Variants in NCKAP5 observed in about 807,000 individuals in gnomAD.
The protein encoded by NCKAP5 is NCK associated protein 5, also known as nck-associated protein 5.
NCKAP5 carries 92 observed loss-of-function variants against 167.0 expected under a neutral mutation model. That is an observed-to-expected ratio of 0.55 (90% CI 0.47 to 0.66). NCKAP5 has a LOEUF of 0.66. NCKAP5 is among the 30% of genes least tolerant of loss of function. NCKAP5 has a pLI of 0.00. For synonymous variants in NCKAP5, 891 were observed against 877.4 expected, an observed-to-expected ratio of 1.02 and a Z score of -0.27; for missense variants, 2,378 against 2,315.0, an observed-to-expected ratio of 1.03 and a Z score of -0.56.
At chr2:133,599,314 C>T in the NCKAP5 span, among the ~76,000 whole-genome samples, 37 of 152,236 alleles carry the variant, frequency 2.4e-4, no homozygotes, top group Admixed American at 6.5e-4. Context: ...CCTTGCAGGA[C>T]CCAGAGGGGA....
At chr2:133,573,741 C>T in the NCKAP5 span, among the ~76,000 whole-genome samples, 1 of 152,152 alleles carries the variant, frequency 6.6e-6, no homozygotes, top group African/African-American at 2.4e-5. Flanking sequence ...CTTTGCTTGC[C>T]CCAAATAAAA....
chr2:132,720,856 C>T (rs1017963288), intron 19 of NCKAP5, among the ~76,000 whole-genome samples: 1 of 151,706 alleles, frequency 6.6e-6, no homozygotes, highest in Non-Finnish European at 1.5e-5. Context: ...CAAAAAAATA[C>T]AAAAATTAGC....
At chr2:133,519,541 T>G (rs1684303831) in intron 2 of NCKAP5, among the ~76,000 whole-genome samples, 1 of 152,166 alleles carries the variant, frequency 6.6e-6, no homozygotes, top group South Asian at 2.1e-4. Context: ...TCTGCAGTGA[T>G]GAACCAGCTA....
chr2:133,131,967 C>A (rs1458575724), intron 5 of NCKAP5, among the ~76,000 whole-genome samples: 3 of 148,180 alleles, frequency 2.0e-5, no homozygotes, highest in African/African-American at 2.5e-5. Context: ...AGAAACAGGC[C>A]AAAAAAAAAA....
chr2:132,930,340 AT>A (rs1180782097), intron 8 of NCKAP5: 3 of 152,128 alleles, frequency 2.0e-5, no homozygotes, highest in African/African-American at 7.3e-5. Context: ...GTGGTAAAAC[AT>A]TATTTGGGAG....
chr2:133,014,871 G>T (rs182351071), intron 6 of NCKAP5, among the ~76,000 whole-genome samples: 237 of 152,278 alleles, frequency 1.6e-3, no homozygotes, highest in South Asian at 5.0e-3. Flanking sequence ...CAAGATCTAA[G>T]ATTCTAAATG....
At chr2:133,067,860 T>C (rs1375669028) in intron 6 of NCKAP5, among the ~76,000 whole-genome samples, 4 of 152,090 alleles carry the variant, frequency 2.6e-5, no homozygotes, top group Non-Finnish European at 2.9e-5. Flanking sequence ...GCTCTTGAAA[T>C]TAACAATAGA....
At chr2:132,720,610 T>C (rs1356220354) in intron 19 of NCKAP5, among the ~76,000 whole-genome samples, 1 of 151,450 alleles carries the variant, frequency 6.6e-6, no homozygotes, top group African/African-American at 2.4e-5. Context: ...CCAATGGGAG[T>C]GGGTGGTGGG....
chr2:133,205,641 C>A (rs1371227223), intron 5 of NCKAP5, among the ~76,000 whole-genome samples: 2 of 152,044 alleles, frequency 1.3e-5, no homozygotes, highest in Non-Finnish European at 2.9e-5. Flanking sequence ...TATTAGCTTG[C>A]CAAATGCTGT....
At chr2:133,496,845 T>TA (rs1311439520) in intron 3 of NCKAP5, among the ~76,000 whole-genome samples, 1 of 152,016 alleles carries the variant, frequency 6.6e-6, no homozygotes, top group Non-Finnish European at 1.5e-5. Flanking sequence ...GTTGTTTTAT[T>TA]AAAAAAAACT....
At chr2:133,149,144 G>C (rs937783860) in intron 5 of NCKAP5, among the ~76,000 whole-genome samples, 1 of 152,086 alleles carries the variant, frequency 6.6e-6, no homozygotes, top group Non-Finnish European at 1.5e-5. Context: ...ATATAATTAA[G>C]CCAACCATTA....
chr2:132,994,055 C>T, intron 7 of NCKAP5, 97 bp downstream of exon 7: 2 of 842,454 alleles, frequency 2.4e-6, no homozygotes, highest in Non-Finnish European at 3.6e-6. Context: ...CTGGAACACA[C>T]CTTTTATTTA....
At chr2:133,575,942 G>C in the NCKAP5 span, among the ~76,000 whole-genome samples, 1 of 152,234 alleles carries the variant, frequency 6.6e-6, no homozygotes, top group Non-Finnish European at 1.5e-5. Context: ...AAGCCAGACT[G>C]TGGTCACCTT....
At chr2:133,490,737 T>A (rs1006229325) in intron 3 of NCKAP5, among the ~76,000 whole-genome samples, 5 of 152,202 alleles carry the variant, frequency 3.3e-5, no homozygotes, top group African/African-American at 9.7e-5. Flanking sequence ...ATTTTCATAG[T>A]GCTGGACAGA....
chr2:133,174,426 G>T (rs964464981), intron 5 of NCKAP5, among the ~76,000 whole-genome samples: 4 of 152,154 alleles, frequency 2.6e-5, no homozygotes, highest in African/African-American at 7.2e-5. Context: ...TATCATGGAA[G>T]AGATACCTTG....
chr2:133,539,505 A>C (rs1686050733), intron 2 of NCKAP5, among the ~76,000 whole-genome samples: 1 of 152,184 alleles, frequency 6.6e-6, no homozygotes, highest in Non-Finnish European at 1.5e-5. Flanking sequence ...GTAAAAAGAA[A>C]TAAAAACCAA....
intron 6 of NCKAP5, among the ~76,000 whole-genome samples, chr2:133,003,816 A>T (rs1188787114): frequency 6.6e-6 from 1 of 152,232 alleles, no homozygotes; most frequent in Non-Finnish European, 1.5e-5. Context: ...ATGCTAGTCC[A>T]ATTTGAATTA....
At chr2:133,483,555 C>T (rs996333864) in intron 3 of NCKAP5, among the ~76,000 whole-genome samples, 1 of 150,712 alleles carries the variant, frequency 6.6e-6, no homozygotes, top group Non-Finnish European at 1.5e-5. Flanking sequence ...AGAAAAGATG[C>T]TCAGGATAAT....
intron 6 of NCKAP5, among the ~76,000 whole-genome samples, chr2:133,078,255 T>C (rs2080679326): frequency 6.6e-6 from 1 of 152,136 alleles, no homozygotes; most frequent in South Asian, 2.1e-4. Flanking sequence ...AATGAAGATA[T>C]TAACATTCTA....
Sources: gnomAD v4.1 joint callset for allele counts (sites outside exome capture counted in the v4.1 genomes callset) on GRCh38, gnomAD v4.1.1 for gene constraint, MANE v1.5 for transcripts, NCBI Gene and HGNC (gene_info 2026-07-23, HGNC 2026-07-21) for gene names.